The following PRORP variants were observed in gnomAD, a reference collection of about 807,000 sequenced individuals.
PRORP encodes the protein protein only RNase P catalytic subunit.
A neutral mutation model predicts 59.4 loss-of-function variants in PRORP; 51 were observed. The observed-to-expected ratio is 0.86, with a 90% CI of 0.69 to 1.08. The LOEUF is 1.08. Ranked by LOEUF, PRORP falls within the 50% of genes least tolerant of loss-of-function variation. The probability of loss-of-function intolerance (pLI) is 0.00; values close to 1 mark genes in which losing one functional copy is unlikely to be tolerated. For missense variants in PRORP, 646 were observed against 690.3 expected (o/e 0.94, Z 0.72); for synonymous variants, 231 against 245.6 (o/e 0.94, Z 0.55).
At chr14:35,208,343 A>G (rs2049348594) in intron 5 of PRORP, among the ~76,000 whole-genome samples, 1 of 152,116 alleles carries the variant, frequency 6.6e-6, no homozygotes, top group Admixed American at 6.5e-5. Context: ...CCTGGGGCTG[A>G]AACAGGAGAA....
chr14:35,153,076 G>A (rs1168611201), intron 4 of PRORP, among the ~76,000 whole-genome samples: 5 of 152,202 alleles, frequency 3.3e-5, no homozygotes, highest in African/African-American at 4.8e-5. Flanking sequence ...CCGAGATCAC[G>A]CCACTGCACT....
intron 5 of PRORP, among the ~76,000 whole-genome samples, chr14:35,210,530 T>G (rs925024120): frequency 1.3e-5 from 2 of 151,682 alleles, no homozygotes; most frequent in African/African-American, 4.8e-5. Flanking sequence ...TCAGCAGGAG[T>G]GGCAAGAATA....
intron 5 of PRORP, among the ~76,000 whole-genome samples, chr14:35,251,657 C>T (rs1454665904): frequency 6.6e-6 from 1 of 152,110 alleles, no homozygotes; most frequent in African/African-American, 2.4e-5. Context: ...TGGGTTCAAG[C>T]GATTCTCCTG....
Position 35,277,620 on chromosome 14 carries a change from T to A in PRORP, c.*4054T>A, listed in dbSNP as rs1406932798. 2.0e-5 allele frequency: 3 copies of A among 152,198 alleles called. No homozygotes were observed. The highest frequency in any genetic ancestry group is 2.9e-5 in the Non-Finnish European group (2 of 68,026). 9.4% of individuals were successfully genotyped at this position (152,198 alleles called of 1,614,324 possible). A position where few individuals can be genotyped will look rare whatever the true frequency, so the allele number is the denominator to read the frequency against. Reference sequence around the variant, plus strand: ...TGTAATAAAATTTGAGAAATAATCTTTACTTTTATCATCTCCATTTATGCT... The same window carrying A: ...TGTAATAAAATTTGAGAAATAATCTATACTTTTATCATCTCCATTTATGCT... On this transcript the variant is annotated 3_prime_UTR_variant, in exon 8 of 8. Coordinates refer to ENST00000534898, the MANE Select transcript of PRORP (RefSeq NM_014672.4).
chr14:35,188,961 A>AGAAAGAAAG (rs59671236), intron 5 of PRORP, among the ~76,000 whole-genome samples: 44,958 of 132,462 alleles, frequency 0.34, 9,218 homozygotes, highest in East Asian at 0.67. Flanking sequence ...AAAAAAAAAA[A>AGAAAGAAAG]AAAGTATTGC....
chr14:35,185,994 A>G (rs2048730739), intron 5 of PRORP, among the ~76,000 whole-genome samples: 1 of 152,078 alleles, frequency 6.6e-6, no homozygotes, highest in African/African-American at 2.4e-5. Context: ...CCAGTGTTTC[A>G]TCTTACAGTT....
At chr14:35,126,324 T>C (rs1401382330) in intron 2 of PRORP, among the ~76,000 whole-genome samples, 3 of 152,214 alleles carry the variant, frequency 2.0e-5, no homozygotes, top group Admixed American at 6.5e-5. Context: ...TAAAATCTAT[T>C]ATGACATTCT....
chr14:35,269,566 A>G (rs1364805872), intron 6 of PRORP, among the ~76,000 whole-genome samples: 2 of 152,232 alleles, frequency 1.3e-5, no homozygotes, highest in African/African-American at 2.4e-5. Context: ...GTCCTCATGT[A>G]ACTGTCACCC....
intron 4 of PRORP, among the ~76,000 whole-genome samples, chr14:35,175,049 A>G (rs2139012631): frequency 6.6e-6 from 1 of 151,982 alleles, no homozygotes; most frequent in East Asian, 1.9e-4. Context: ...AGCTTCATCC[A>G]TGTCCTTACA....
At chr14:35,144,082 T>G (rs1362539955) in intron 4 of PRORP, 1 of 151,028 alleles carries the variant, frequency 6.6e-6, no homozygotes, top group African/African-American at 2.4e-5. Context: ...CAGTCAAACA[T>G]AGGCTGCCTT....
chr14:35,167,204 A>T lies in PRORP; in HGVS notation c.1168-13466A>T, dbSNP rs140284880. Reference sequence around the variant, plus strand: ...CTTGAAGGTTAATTATTTTATTAGGATAGAAGAAAACAGCTAACGGACCAC... The same window carrying T: ...CTTGAAGGTTAATTATTTTATTAGGTTAGAAGAAAACAGCTAACGGACCAC... On this transcript the variant is annotated intron_variant, in intron 4 of 7. Coordinates refer to ENST00000534898, the MANE Select transcript of PRORP (RefSeq NM_014672.4). Among the ~76,000 whole-genome samples, 24 of 152,310 alleles carry T rather than the reference A, an allele frequency of 1.6e-4. No homozygotes were observed. The East Asian group carries it at 4.0e-3, about 26-fold the overall frequency.
At chr14:35,134,848 G>C (rs1023984392) in intron 4 of PRORP, among the ~76,000 whole-genome samples, 1 of 152,136 alleles carries the variant, frequency 6.6e-6, no homozygotes, top group Admixed American at 6.5e-5. Context: ...TCACCACTAG[G>C]ACTCACCTAA....
chr14:35,244,594 G>A (rs934092629), intron 5 of PRORP, among the ~76,000 whole-genome samples: 2 of 151,942 alleles, frequency 1.3e-5, no homozygotes, highest in African/African-American at 4.8e-5. Context: ...TAGAATATTG[G>A]CAATTTTACG....
chr14:35,177,703 T>G (rs2048489733), intron 4 of PRORP, among the ~76,000 whole-genome samples: 2 of 152,208 alleles, frequency 1.3e-5, no homozygotes, highest in Non-Finnish European at 2.9e-5. Flanking sequence ...AGCTCCTAGA[T>G]TCATTGATTT....
chr14:35,170,103 C>T (rs1267391057), intron 4 of PRORP, among the ~76,000 whole-genome samples: 1 of 152,172 alleles, frequency 6.6e-6, no homozygotes, highest in Non-Finnish European at 1.5e-5. Flanking sequence ...TTTTGTCTAA[C>T]ATTAGTGTCA....
At chr14:35,145,843 T>A (rs368884332) in intron 4 of PRORP, among the ~76,000 whole-genome samples, 1,905 of 45,034 alleles carry the variant, frequency 0.042, 114 homozygotes, top group African/African-American at 0.13. Context: ...TTTTTTATTT[T>A]TTGAGACAGA....
chr14:35,158,888 T>G (rs2047988366), intron 4 of PRORP: 1 of 302,700 alleles, frequency 3.3e-6, no homozygotes, highest in African/African-American at 2.3e-5. Flanking sequence ...AATCATGAGT[T>G]GATTAATGTT....
At chr14:35,238,070 A>G (rs556221829) in intron 5 of PRORP, among the ~76,000 whole-genome samples, 1 of 150,646 alleles carries the variant, frequency 6.6e-6, no homozygotes, top group African/African-American at 2.4e-5. Context: ...TCTGCGTTTT[A>G]TGTGAAGGGC....
rs547994616 is a variant in PRORP at position 35,251,679 on chromosome 14, C to T, written c.1276-15048C>T. Among the ~76,000 whole-genome samples the T allele has an allele frequency of 4.6e-5, 7 of 152,002 alleles. No homozygotes were observed. The South Asian group carries it at 8.3e-4, about 18-fold the overall frequency. ...AAGCGATTCTCCTGCCTCAGCCTCC[C>T]GAGTAACTGGGATTACAGGCGCCCA... On this transcript the variant is annotated intron_variant, in intron 5 of 7. Coordinates refer to ENST00000534898, the MANE Select transcript of PRORP (RefSeq NM_014672.4).
Sources: gnomAD v4.1 joint callset for allele counts (sites outside exome capture counted in the v4.1 genomes callset) on GRCh38, gnomAD v4.1.1 for gene constraint, MANE v1.5 for transcripts, NCBI Gene and HGNC (gene_info 2026-07-23, HGNC 2026-07-21) for gene names.